LAMA4: variants seen among roughly 807,000 people sequenced by gnomAD.
LAMA4 encodes the protein laminin subunit alpha-4.
LAMA4 carries 127 observed loss-of-function variants against 207.1 expected under a neutral mutation model. The observed-to-expected ratio is 0.61, with a 90% CI of 0.53 to 0.71. The LOEUF is 0.71. Among genes scored for constraint, LAMA4 ranks in the 30% least tolerant of loss-of-function variants. The probability of loss-of-function intolerance (pLI) is 0.00; values close to 1 mark genes in which losing one functional copy is unlikely to be tolerated. For synonymous variants in LAMA4, 761 were observed against 816.0 expected, an observed-to-expected ratio of 0.93 and a Z score of 1.15; for missense variants, 2,093 against 2,246.5, an observed-to-expected ratio of 0.93 and a Z score of 1.38.
intron 6 of LAMA4, among the ~76,000 whole-genome samples, chr6:112,189,510 G>A (rs1782890235): frequency 1.3e-5 from 2 of 152,136 alleles, no homozygotes; most frequent in African/African-American, 2.4e-5. Flanking sequence ...GTCCAAAAAT[G>A]TCCTGGTAAG....
Position 112,148,139 on chromosome 6 carries a change from G to A in LAMA4, c.2353+18C>T. On this transcript the variant is annotated intron_variant, in intron 18 of 38. Coordinates refer to ENST00000230538, the MANE Select transcript of LAMA4 (RefSeq NM_001105206.3). ...AATTCCTTAATTAGATTCAAATTGTGAAATTTCTAAGTGATACCTGCATCC... is the reference window on the plus strand; with the variant it reads ...AATTCCTTAATTAGATTCAAATTGTAAAATTTCTAAGTGATACCTGCATCC... The A allele has an allele frequency of 6.2e-7, 1 of 1,609,548 alleles. No homozygotes were observed. The highest frequency in any genetic ancestry group is 1.7e-4 in the Middle Eastern group (1 of 6,046).
rs782460821 is a variant in LAMA4, at chr6:112,120,269, T to C, written c.4665+14A>G. Reference sequence around the variant, plus strand: ...GCTATTTGCTGGTAATGCTGTTCTCTGCCTTCAACTTACATCATGCCACAG... The same window carrying C: ...GCTATTTGCTGGTAATGCTGTTCTCCGCCTTCAACTTACATCATGCCACAG... On this transcript the variant is annotated intron_variant, in intron 33 of 38. Coordinates refer to ENST00000230538, the MANE Select transcript of LAMA4 (RefSeq NM_001105206.3). 36 of 1,609,894 alleles carry C rather than the reference T, an allele frequency of 2.2e-5. No individual in the cohort carries two copies. The Admixed American group carries it at 6.0e-4, about 27-fold the overall frequency.
chr6:112,177,245 A>G (rs926332934), intron 10 of LAMA4, among the ~76,000 whole-genome samples: 1 of 152,232 alleles, frequency 6.6e-6, no homozygotes, highest in East Asian at 1.9e-4. Flanking sequence ...AACATGACAA[A>G]TGATTAATCT....
At chr6:112,159,811 G>A (rs1583755229) in intron 13 of LAMA4, among the ~76,000 whole-genome samples, 1 of 152,284 alleles carries the variant, frequency 6.6e-6, no homozygotes, top group East Asian at 1.9e-4. Flanking sequence ...CTGTGAGAGG[G>A]GAGTGGTTGA....
chr6:112,168,979 G>C (rs1052621016), intron 12 of LAMA4, among the ~76,000 whole-genome samples: 2 of 152,060 alleles, frequency 1.3e-5, no homozygotes, highest in Admixed American at 1.3e-4. Context: ...AAATGTGCAC[G>C]GTCTCCAGTG....
chr6:112,129,074 C>T lies in LAMA4; in HGVS notation c.4135G>A (p.Val1379Met), dbSNP rs782165947. The T allele has an allele frequency of 1.6e-5, 25 of 1,610,284 alleles. No individual in the cohort carries two copies. The highest frequency in any genetic ancestry group is 1.3e-4 in the East Asian group (6 of 44,806). The change falls in exon 31 of 39, where the codon GTG becomes ATG. Residue 1379 changes from valine to methionine, a missense_variant and splice_region_variant. Coordinates refer to ENST00000230538, the MANE Select transcript of LAMA4 (RefSeq NM_001105206.3). ...TCTTCAACCTCCACATCTCTATCCA[C>T]CCTGTGTTTGTAACAGAGGAAAAAA... ...GCISNAYFTR[V>M]DRDVEVEDFQ...
At chr6:112,151,444 A>G (rs1780397457) in intron 16 of LAMA4, among the ~76,000 whole-genome samples, 1 of 152,160 alleles carries the variant, frequency 6.6e-6, no homozygotes, top group South Asian at 2.1e-4. Context: ...TTAATACTGA[A>G]TTAAATCTGT....
chr6:112,142,151 C>T lies in LAMA4; in HGVS notation c.2635G>A (p.Asp879Asn). 6.2e-7 allele frequency: 1 copy of T among 1,614,138 alleles called. No individual in the cohort carries two copies. The highest frequency in any genetic ancestry group is 8.5e-7 in the Non-Finnish European group (1 of 1,180,018). Residue 879 changes from aspartate (D) to asparagine (N), a missense_variant, in exon 20 of 39, where the codon GAT becomes AAT. Transcript: ENST00000230538. ...CTTCCGAGGTACAGGATAAACTGAT[C>T]TGCAGTCTCGGTCAGTTCCGGCCGC... is the stretch of plus-strand genomic sequence containing the variant. The part of the protein sequence containing the change: ...VKRPELTETA[D>N]QFILYLGSKN...
At chr6:112,128,423 G>C (rs1554328331) in intron 31 of LAMA4, among the ~76,000 whole-genome samples, 1 of 152,150 alleles carries the variant, frequency 6.6e-6, no homozygotes, top group Non-Finnish European at 1.5e-5. Context: ...CAGAGGCTGG[G>C]ACGGGCAGCG....
At chr6:112,139,970 G>A in intron 22 of LAMA4, 85 bp from the exon 23 acceptor site, 1 of 1,360,708 alleles carries the variant, frequency 7.3e-7, no homozygotes, top group Non-Finnish European at 1.1e-6. Flanking sequence ...ACTAATAGTA[G>A]GTCAAGGAGA....
Position 112,120,278 on chromosome 6 carries a change from C to A in LAMA4, c.4665+5G>T. 1 of 1,612,776 alleles carries A rather than the reference C, an allele frequency of 6.2e-7. No homozygotes were observed. Among genetic ancestry groups the A allele is most frequent in the Non-Finnish European group, 8.5e-7 (1 of 1,179,358 alleles). ...TGGTAATGCTGTTCTCTGCCTTCAA[C>A]TTACATCATGCCACAGGCCATCATT... is the stretch of plus-strand genomic sequence containing the variant. On this transcript the variant is annotated splice_donor_5th_base_variant and intron_variant, in intron 33 of 38. Transcript: ENST00000230538.
At chr6:112,114,428 G>A (rs1777892661) in intron 37 of LAMA4, among the ~76,000 whole-genome samples, 1 of 151,210 alleles carries the variant, frequency 6.6e-6, no homozygotes, top group African/African-American at 2.4e-5. Flanking sequence ...ACTTTTTTTT[G>A]CCCTATAAGT....
At chr6:112,131,960 C>T (rs1053940452) in intron 28 of LAMA4, among the ~76,000 whole-genome samples, 7 of 152,070 alleles carry the variant, frequency 4.6e-5, no homozygotes, top group Admixed American at 2.0e-4. Context: ...CTTGAAATAA[C>T]GTATCTTTAT....
chr6:112,134,677 A>G, intron 25 of LAMA4, 68 bp from the exon 26 acceptor site: 1 of 1,267,986 alleles, frequency 7.9e-7, no homozygotes, highest in Non-Finnish European at 1.1e-6. Flanking sequence ...TGACTTCTAT[A>G]TATTTTAATT....
Position 112,178,113 on chromosome 6 carries a change from A to G in LAMA4, c.1189+8T>C, listed in dbSNP as rs377133875. On this transcript the variant is annotated splice_region_variant and intron_variant, in intron 10 of 38. Coordinates refer to ENST00000230538, the MANE Select transcript of LAMA4 (RefSeq NM_001105206.3). ...ATATTAAACTGAACCAGAAGAGAAT[A>G]TATTTACCTTGGATTTTATCCCTCA... is the stretch of plus-strand genomic sequence containing the variant. The G allele has an allele frequency of 1.2e-4, 190 of 1,574,326 alleles. No homozygotes were observed. Among genetic ancestry groups the G allele is most frequent in the Non-Finnish European group, 1.6e-4 (185 of 1,143,686 alleles).
chr6:112,137,279 TG>T (rs1336346601), intron 24 of LAMA4, among the ~76,000 whole-genome samples: 2 of 152,112 alleles, frequency 1.3e-5, no homozygotes, highest in African/African-American at 4.8e-5. Context: ...ATCTCCTGAG[TG>T]GAGTTTGTAC....
At chr6:112,139,988 C>G in intron 22 of LAMA4, 103 bp from the exon 23 acceptor site, 1 of 1,146,500 alleles carries the variant, frequency 8.7e-7, no homozygotes, top group Non-Finnish European at 1.3e-6. Flanking sequence ...AGACCTACCC[C>G]TTTGTGGAAA....
At position 112,141,508 on chromosome 6, in the gene LAMA4, A is replaced by C. The variant is rs1388821437; in HGVS notation, c.2668-5T>G. On this transcript the variant is annotated splice_polypyrimidine_tract_variant and splice_region_variant and intron_variant, in intron 20 of 38. Transcript: ENST00000230538. ...ACCCATATACTCTTTTTTGGCCTGAAATATCAAGAAGTAAGAAGTCATTTA... is the reference window on the plus strand; with the variant it reads ...ACCCATATACTCTTTTTTGGCCTGACATATCAAGAAGTAAGAAGTCATTTA... 2 of 1,581,150 alleles carry C rather than the reference A, an allele frequency of 1.3e-6. No homozygotes were observed. Among genetic ancestry groups the C allele is most frequent in the African/African-American group, 1.3e-5 (1 of 74,372 alleles).
At chr6:112,135,833 A>T (rs1779304653) in intron 25 of LAMA4, 6 of 371,544 alleles carry the variant, frequency 1.6e-5, no homozygotes, top group South Asian at 1.4e-4. Context: ...TCCTGTAGGA[A>T]TACCAATTGA....
Sources: allele counts gnomAD v4.1 joint callset (sites outside exome capture counted in the v4.1 genomes callset), GRCh38; gene constraint gnomAD v4.1.1; transcripts MANE v1.5; gene names NCBI Gene and HGNC (gene_info 2026-07-23, HGNC 2026-07-21).